The following EXOC4 variants were observed in gnomAD, a reference collection of about 807,000 sequenced individuals.
EXOC4 encodes SEC8-like 1.
EXOC4 carries 71 observed loss-of-function variants against 107.2 expected under a neutral mutation model. The observed-to-expected ratio is 0.66, with a 90% CI of 0.55 to 0.81. EXOC4 has a LOEUF of 0.81. EXOC4 is among the 30% of genes least tolerant of loss of function. The probability of loss-of-function intolerance (pLI) is 0.00; values close to 1 mark genes in which losing one functional copy is unlikely to be tolerated. For missense variants in EXOC4, 1,108 were observed against 1,189.6 expected (o/e 0.93, Z 1.01); for synonymous variants, 456 against 441.2 (o/e 1.03, Z -0.42).
At chr7:133,994,222 T>C (rs1794327987) in intron 14 of EXOC4, among the ~76,000 whole-genome samples, 1 of 152,216 alleles carries the variant, frequency 6.6e-6, no homozygotes, top group South Asian at 2.1e-4. Context: ...GTGTTTGGTT[T>C]TATGTTGCTG....
chr7:133,620,245 T>C (rs1305677463), intron 9 of EXOC4, among the ~76,000 whole-genome samples: 2 of 152,082 alleles, frequency 1.3e-5, no homozygotes, highest in Non-Finnish European at 2.9e-5. Flanking sequence ...CAGGCTGGTT[T>C]CGAACTCCTG....
intron 10 of EXOC4, among the ~76,000 whole-genome samples, chr7:133,742,525 C>G (rs187841446): frequency 4.4e-4 from 67 of 152,262 alleles, no homozygotes; most frequent in African/African-American, 1.6e-3. Flanking sequence ...TTCCATAAAA[C>G]TTGGATTTAT....
chr7:133,933,909 A>G (rs552911687), intron 13 of EXOC4, among the ~76,000 whole-genome samples: 21 of 152,354 alleles, frequency 1.4e-4, no homozygotes, highest in Admixed American at 1.0e-3. Context: ...TGGAGAACAT[A>G]TGGACAGTAT....
chr7:133,834,656 C>T (rs868589829), intron 11 of EXOC4, among the ~76,000 whole-genome samples: 31 of 152,216 alleles, frequency 2.0e-4, no homozygotes, highest in South Asian at 8.3e-4. Context: ...TGAGCAGAGG[C>T]GCCAAAGTAT....
At chr7:133,984,374 G>A (rs922743971) in intron 14 of EXOC4, among the ~76,000 whole-genome samples, 1 of 152,122 alleles carries the variant, frequency 6.6e-6, no homozygotes. Flanking sequence ...TATATAGTTT[G>A]ATATTTGGAA....
At chr7:133,546,542 C>T (rs1028871758) in intron 9 of EXOC4, among the ~76,000 whole-genome samples, 2 of 152,134 alleles carry the variant, frequency 1.3e-5, no homozygotes, top group African/African-American at 2.4e-5. Flanking sequence ...AGGAGTGAGC[C>T]ACTTTACCCG....
chr7:133,543,743 C>T (rs537746369), intron 9 of EXOC4, among the ~76,000 whole-genome samples: 2 of 152,100 alleles, frequency 1.3e-5, no homozygotes, highest in East Asian at 1.9e-4. Flanking sequence ...CCTCTATAGC[C>T]GTCAAATTCT....
At chr7:133,752,836 T>C (rs1795822805) in intron 10 of EXOC4, among the ~76,000 whole-genome samples, 1 of 152,202 alleles carries the variant, frequency 6.6e-6, no homozygotes, top group Non-Finnish European at 1.5e-5. Flanking sequence ...CTTGTTTTGC[T>C]GCCCTTAGCA....
At chr7:133,882,747 A>G (rs1798991970) in intron 11 of EXOC4, among the ~76,000 whole-genome samples, 1 of 152,172 alleles carries the variant, frequency 6.6e-6, no homozygotes, top group Non-Finnish European at 1.5e-5. Flanking sequence ...GATTGAAAGA[A>G]GCCCCAGGTA....
At chr7:133,794,049 C>T (rs551892429) in intron 10 of EXOC4, among the ~76,000 whole-genome samples, 5 of 152,188 alleles carry the variant, frequency 3.3e-5, no homozygotes, top group African/African-American at 1.2e-4. Flanking sequence ...CCTCCATATG[C>T]AGTCCTGATA....
intron 9 of EXOC4, among the ~76,000 whole-genome samples, chr7:133,527,139 C>G (rs896852173): frequency 2.0e-5 from 3 of 151,954 alleles, no homozygotes; most frequent in African/African-American, 4.8e-5. Context: ...CCCAGTGGTT[C>G]ACGCCTGTAA....
intron 11 of EXOC4, among the ~76,000 whole-genome samples, chr7:133,854,870 A>C (rs1798315125): frequency 6.7e-6 from 1 of 150,006 alleles, no homozygotes; most frequent in Non-Finnish European, 1.5e-5. Flanking sequence ...TTTATGATCT[A>C]GATCATCAGC....
intron 10 of EXOC4, among the ~76,000 whole-genome samples, chr7:133,724,502 C>T (rs1795175056): frequency 6.6e-6 from 1 of 152,026 alleles, no homozygotes; most frequent in Non-Finnish European, 1.5e-5. Context: ...CTACTGTGTA[C>T]ATTATATTGT....
intron 9 of EXOC4, among the ~76,000 whole-genome samples, chr7:133,487,269 A>T (rs1162523572): frequency 1.3e-5 from 2 of 152,246 alleles, no homozygotes; most frequent in South Asian, 4.1e-4. Context: ...AGTTGATGAC[A>T]TCTAACCTTA....
At chr7:133,446,467 C>T (rs986135935) in intron 7 of EXOC4, among the ~76,000 whole-genome samples, 1 of 152,142 alleles carries the variant, frequency 6.6e-6, no homozygotes, top group African/African-American at 2.4e-5. Flanking sequence ...CTAGTTTGCT[C>T]ACTGTTAGCT....
At chr7:133,390,276 C>T (rs1796824290) in intron 7 of EXOC4, among the ~76,000 whole-genome samples, 2 of 152,166 alleles carry the variant, frequency 1.3e-5, no homozygotes, top group African/African-American at 2.4e-5. Flanking sequence ...ATAGTTGTCA[C>T]AGCAAAATAT....
rs1797426765 is a variant in EXOC4 at position 133,414,348 on chromosome 7, A to ATATT, written c.1182+39346_1182+39347insTATT. Among the ~76,000 whole-genome samples the ATATT allele has an allele frequency of 2.0e-5, 3 of 152,200 alleles. No homozygotes were observed. The South Asian group carries it at 6.2e-4, about 31-fold the overall frequency. On this transcript the variant is annotated intron_variant, in intron 7 of 17. Transcript: ENST00000253861. ...GTTGGCAAGGATGAGAAGAAACAGG[A>ATATT]ACTCTTGTATATTACTGATGAGAAT...
intron 9 of EXOC4, among the ~76,000 whole-genome samples, chr7:133,551,020 C>A (rs1222188611): frequency 6.6e-6 from 1 of 152,058 alleles, no homozygotes; most frequent in Non-Finnish European, 1.5e-5. Context: ...GACTTAGGCC[C>A]CACCTTCCTG....
At chr7:133,387,666 T>C (rs1796758019) in intron 7 of EXOC4, among the ~76,000 whole-genome samples, 1 of 152,196 alleles carries the variant, frequency 6.6e-6, no homozygotes, top group African/African-American at 2.4e-5. Context: ...GAGATTTTCA[T>C]GTAATGGAGG....
Sources: gnomAD v4.1 joint callset for allele counts (sites outside exome capture counted in the v4.1 genomes callset) on GRCh38, gnomAD v4.1.1 for gene constraint, MANE v1.5 for transcripts, NCBI Gene and HGNC (gene_info 2026-07-23, HGNC 2026-07-21) for gene names.